SHISA9: variants seen among roughly 807,000 people sequenced by gnomAD.
SHISA9 encodes the protein shisa family member 9, also known as protein shisa-9.
SHISA9 carries 13 observed loss-of-function variants against 38.0 expected under a neutral mutation model. The ratio of observed to expected loss-of-function variants is 0.34; its 90% confidence interval spans 0.22 to 0.54. The LOEUF is 0.54. Among genes scored for constraint, SHISA9 ranks in the 20% least tolerant of loss-of-function variants. The probability of loss-of-function intolerance (pLI) is 0.91; values close to 1 mark genes in which losing one functional copy is unlikely to be tolerated. For synonymous variants in SHISA9, 275 were observed against 242.0 expected, an observed-to-expected ratio of 1.14 and a Z score of -1.27; for missense variants, 538 against 575.8, an observed-to-expected ratio of 0.93 and a Z score of 0.67.
intron 2 of SHISA9, among the ~76,000 whole-genome samples, chr16:12,957,047 A>G (rs974872745): frequency 2.6e-5 from 4 of 152,174 alleles, no homozygotes; most frequent in African/African-American, 9.7e-5. Flanking sequence ...AAACACAGGT[A>G]TCATTTTGGA....
Position 13,215,515 on chromosome 16 carries a change from C to CT in SHISA9, c.895+2217dup, listed in dbSNP as rs1236379652. On this transcript the variant is annotated intron_variant, in intron 4 of 4. Transcript: ENST00000558583. ...CAGACCTCCTAATTTGAGGCATTAA[C>CT]TTCTTTTTTCCCTCCCTGTGAAAAA... Among the ~76,000 whole-genome samples the CT allele has an allele frequency of 3.3e-5, 5 of 151,980 alleles. 1 individual carries two copies. In the Middle Eastern group the frequency reaches 0.014, roughly 414 times the overall value.
intron 2 of SHISA9, among the ~76,000 whole-genome samples, chr16:13,077,842 G>A (rs1359014389): frequency 6.6e-6 from 1 of 152,076 alleles, no homozygotes; most frequent in Admixed American, 6.6e-5. Flanking sequence ...ATTAATTGGG[G>A]GCAGAAAGTC....
At chr16:13,137,007 C>T (rs138388894) in intron 2 of SHISA9, among the ~76,000 whole-genome samples, 7 of 152,162 alleles carry the variant, frequency 4.6e-5, no homozygotes, top group African/African-American at 1.7e-4. Context: ...TGATGTCTGT[C>T]TCCGAGTAGA....
At chr16:13,158,369 T>C (rs540713853) in intron 2 of SHISA9, among the ~76,000 whole-genome samples, 44 of 152,222 alleles carry the variant, frequency 2.9e-4, no homozygotes, top group African/African-American at 1.0e-3. Flanking sequence ...TAAAAGGAAG[T>C]TCATAGAATT....
chr16:12,966,016 T>C (rs909202619), intron 2 of SHISA9, among the ~76,000 whole-genome samples: 2 of 152,168 alleles, frequency 1.3e-5, no homozygotes, highest in African/African-American at 4.8e-5. Context: ...ACTGGATAAT[T>C]CTCTGTTGTA....
At chr16:13,401,291 A>C in the SHISA9 span, among the ~76,000 whole-genome samples, 1 of 152,190 alleles carries the variant, frequency 6.6e-6, no homozygotes, top group African/African-American at 2.4e-5. Flanking sequence ...AAGCTAAGGA[A>C]CTTCCCTGAA....
intron 3 of SHISA9, among the ~76,000 whole-genome samples, chr16:13,211,680 C>T (rs888927556): frequency 1.3e-5 from 2 of 152,196 alleles, no homozygotes; most frequent in Admixed American, 6.5e-5. Context: ...TTATTAAATG[C>T]CCTATTGTCA....
At chr16:13,289,363 T>TGGGGGGGGGGG in the SHISA9 span, among the ~76,000 whole-genome samples, 1 of 12,650 alleles carries the variant, frequency 7.9e-5, no homozygotes, top group Admixed American at 8.1e-4. Context: ...TTTTGGTTGG[T>TGGGGGGGGGGG]GGGGGGGCGG....
chr16:13,141,604 A>G (rs2050402443), intron 2 of SHISA9, among the ~76,000 whole-genome samples: 1 of 152,030 alleles, frequency 6.6e-6, no homozygotes, highest in Non-Finnish European at 1.5e-5. Flanking sequence ...GAATCGCTGA[A>G]CCCAAGAGGT....
At chr16:13,188,865 T>TTTATTTGGGG (rs113045815) in intron 2 of SHISA9, among the ~76,000 whole-genome samples, 22,678 of 152,112 alleles carry the variant, frequency 0.15, 1,961 homozygotes, top group Middle Eastern at 0.23. Flanking sequence ...AGAATGTGAC[T>TTTATTTGGGG]TAACTGCAGA....
rs149235410 is a variant in SHISA9 at position 13,006,061 on chromosome 16, C to T, written c.691+89246C>T. On this transcript the variant is annotated intron_variant, in intron 2 of 4. Transcript: ENST00000558583. Reference sequence around the variant, plus strand: ...CTACAGATGGGCAGTGAAGCATGCGCGCACGCACACACACACGCGCACACT... The same window carrying T: ...CTACAGATGGGCAGTGAAGCATGCGTGCACGCACACACACACGCGCACACT... Among the ~76,000 whole-genome samples, 6 of 152,162 alleles carry T rather than the reference C, an allele frequency of 3.9e-5. 1 individual carries two copies. Among genetic ancestry groups the T allele is most frequent in the African/African-American group, 1.2e-4 (5 of 41,438 alleles).
the SHISA9 span, among the ~76,000 whole-genome samples, chr16:13,520,327 T>C: frequency 6.6e-6 from 1 of 151,926 alleles, no homozygotes; most frequent in Non-Finnish European, 1.5e-5. Context: ...GGGCCAGGCG[T>C]GGTGGCTCAC....
chr16:13,438,379 G>A, the SHISA9 span, among the ~76,000 whole-genome samples: 1 of 152,084 alleles, frequency 6.6e-6, no homozygotes, highest in Admixed American at 6.5e-5. Flanking sequence ...TTGTATCACA[G>A]AGACCTAACA....
chr16:13,419,704 C>T, the SHISA9 span, among the ~76,000 whole-genome samples: 1 of 152,204 alleles, frequency 6.6e-6, no homozygotes, highest in Non-Finnish European at 1.5e-5. Flanking sequence ...GTGGGTCACA[C>T]AATTTTTATA....
At chr16:13,088,094 C>G (rs2073733631) in intron 2 of SHISA9, among the ~76,000 whole-genome samples, 1 of 152,152 alleles carries the variant, frequency 6.6e-6, no homozygotes, top group Non-Finnish European at 1.5e-5. Flanking sequence ...TTCCCCATTT[C>G]TTGTTTTTGT....
the SHISA9 span, among the ~76,000 whole-genome samples, chr16:13,513,723 A>G: frequency 2.0e-5 from 3 of 152,184 alleles, no homozygotes; most frequent in Admixed American, 1.3e-4. Context: ...ATCCTCAGCA[A>G]ACTGACACAG....
chr16:13,301,463 G>A, the SHISA9 span, among the ~76,000 whole-genome samples: 1 of 152,210 alleles, frequency 6.6e-6, no homozygotes, highest in Admixed American at 6.5e-5. Flanking sequence ...CGAATGTACT[G>A]TCACCCAAAG....
chr16:13,130,144 T>C (rs1228387838), intron 2 of SHISA9, among the ~76,000 whole-genome samples: 2 of 152,194 alleles, frequency 1.3e-5, no homozygotes, highest in East Asian at 3.8e-4. Flanking sequence ...CACATCTGTA[T>C]GTCTGGTGAC....
At chr16:13,315,466 A>C in the SHISA9 span, among the ~76,000 whole-genome samples, 2 of 152,162 alleles carry the variant, frequency 1.3e-5, no homozygotes, top group Admixed American at 6.5e-5. Flanking sequence ...ACCTCGTTTA[A>C]TCTTCTTGTG....
Sources: gnomAD v4.1 joint callset for allele counts (sites outside exome capture counted in the v4.1 genomes callset) on GRCh38, gnomAD v4.1.1 for gene constraint, MANE v1.5 for transcripts, NCBI Gene and HGNC (gene_info 2026-07-23, HGNC 2026-07-21) for gene names.